LDB2: variants seen among roughly 807,000 people sequenced by gnomAD.
LDB2 encodes the protein LIM domain binding 2.
LDB2 carries 12 observed loss-of-function variants against 44.3 expected under a neutral mutation model. The observed-to-expected ratio is 0.27, with a 90% CI of 0.17 to 0.44. The LOEUF (loss-of-function observed/expected upper bound fraction) is 0.44. Ranked by LOEUF, LDB2 falls within the 20% of genes least tolerant of loss-of-function variation. The pLI, the probability that LDB2 is intolerant of heterozygous loss-of-function variation, is 1.00. For synonymous variants in LDB2, 164 were observed against 174.8 expected, an observed-to-expected ratio of 0.94 and a Z score of 0.49; for missense variants, 344 against 473.5, an observed-to-expected ratio of 0.73 and a Z score of 2.54.
At chr4:16,663,502 T>C (rs1339795414) in intron 2 of LDB2, among the ~76,000 whole-genome samples, 2 of 152,174 alleles carry the variant, frequency 1.3e-5, no homozygotes, top group Non-Finnish European at 2.9e-5. Flanking sequence ...TAGATGTAAA[T>C]GGTTGGTGAC....
chr4:16,800,066 A>G (rs1777492656), intron 1 of LDB2, among the ~76,000 whole-genome samples: 1 of 152,154 alleles, frequency 6.6e-6, no homozygotes, highest in South Asian at 2.1e-4. Context: ...CCGGGACGGG[A>G]AAGCTCAAAC....
chr4:16,826,403 A>C (rs1420485321), intron 1 of LDB2: 1 of 152,240 alleles, frequency 6.6e-6, no homozygotes, highest in Non-Finnish European at 1.5e-5. Context: ...CTGGCCATTT[A>C]AAACAAAAAC....
chr4:16,630,384 T>C (rs1469900499), intron 2 of LDB2, among the ~76,000 whole-genome samples: 3 of 152,150 alleles, frequency 2.0e-5, no homozygotes, highest in Non-Finnish European at 4.4e-5. Context: ...GACAAGCAAA[T>C]GCTGAGAGAT....
intron 2 of LDB2, chr4:16,674,446 T>C: frequency 2.4e-6 from 1 of 412,772 alleles, no homozygotes; most frequent in Non-Finnish European, 4.8e-6. Flanking sequence ...ATTCATTGAG[T>C]GTCCACGTAT....
intron 2 of LDB2, among the ~76,000 whole-genome samples, chr4:16,608,206 C>CAAAAAAAAAAAAAAAAAAAAAAAAAA (rs71649969): frequency 1.5e-5 from 1 of 68,484 alleles, no homozygotes. Flanking sequence ...CACACTTCTT[C>CAAAAAAAAAAAAAAAAAAAAAAAAAA]AAAAAAAAAA....
chr4:16,562,005 T>C (rs931414094), intron 5 of LDB2, among the ~76,000 whole-genome samples: 11 of 152,196 alleles, frequency 7.2e-5, no homozygotes, highest in African/African-American at 2.7e-4. Context: ...CTGGGAAAAC[T>C]GGCTAGCCAT....
intron 2 of LDB2, among the ~76,000 whole-genome samples, chr4:16,644,895 C>T (rs527649252): frequency 1.8e-4 from 28 of 152,266 alleles, no homozygotes; most frequent in African/African-American, 6.0e-4. Flanking sequence ...TTCCCTCTTC[C>T]ACTCTCATCC....
At chr4:16,870,734 G>C (rs1716314028) in intron 1 of LDB2, among the ~76,000 whole-genome samples, 1 of 152,236 alleles carries the variant, frequency 6.6e-6, no homozygotes, top group African/African-American at 2.4e-5. Flanking sequence ...CCCAGTTCAA[G>C]CGATTCTCCT....
chr4:16,547,729 T>C (rs962678381), intron 5 of LDB2, among the ~76,000 whole-genome samples: 1 of 152,188 alleles, frequency 6.6e-6, no homozygotes, highest in East Asian at 1.9e-4. Flanking sequence ...CTCTGAAGCC[T>C]AGATGTTTGG....
intron 1 of LDB2, among the ~76,000 whole-genome samples, chr4:16,866,612 C>T (rs945534376): frequency 5.9e-5 from 9 of 151,956 alleles, no homozygotes; most frequent in Non-Finnish European, 1.0e-4. Context: ...GACTCCAGGC[C>T]GGTGCTTTTC....
intron 2 of LDB2, among the ~76,000 whole-genome samples, chr4:16,734,252 G>C (rs749745402): frequency 6.6e-6 from 1 of 152,128 alleles, no homozygotes; most frequent in Non-Finnish European, 1.5e-5. Context: ...TTTGGAGCAA[G>C]GTGTTTGAAA....
intron 5 of LDB2, among the ~76,000 whole-genome samples, chr4:16,547,394 T>C (rs1226499359): frequency 6.6e-6 from 1 of 152,180 alleles, no homozygotes; most frequent in Non-Finnish European, 1.5e-5. Context: ...GGTGTGGTAA[T>C]TTGTTACAGT....
chr4:16,672,541 T>C (rs1037259110), intron 2 of LDB2, among the ~76,000 whole-genome samples: 1 of 152,184 alleles, frequency 6.6e-6, no homozygotes, highest in African/African-American at 2.4e-5. Flanking sequence ...TAAACTATAC[T>C]ACTGGGAAAG....
At chr4:16,758,044 C>T (rs1767047481) in intron 2 of LDB2, among the ~76,000 whole-genome samples, 1 of 152,154 alleles carries the variant, frequency 6.6e-6, no homozygotes, top group African/African-American at 2.4e-5. Flanking sequence ...CTCCGGGCTG[C>T]TCCTCCCGTG....
chr4:16,668,110 G>A (rs1176543036), intron 2 of LDB2, among the ~76,000 whole-genome samples: 1 of 152,074 alleles, frequency 6.6e-6, no homozygotes. Flanking sequence ...CATTTCATAT[G>A]ATAAAAGGAT....
chr4:16,528,726 T>C (rs1419097883), intron 5 of LDB2, among the ~76,000 whole-genome samples: 1 of 152,086 alleles, frequency 6.6e-6, no homozygotes, highest in Non-Finnish European at 1.5e-5. Context: ...CAGAAGATGT[T>C]AAGAGGAAAA....
intron 5 of LDB2, among the ~76,000 whole-genome samples, chr4:16,556,704 G>A (rs1739736823): frequency 6.6e-6 from 1 of 152,186 alleles, no homozygotes; most frequent in African/African-American, 2.4e-5. Context: ...GCCGTTAAAA[G>A]TTGAACTGAC....
rs925751114 is a variant in LDB2, at chr4:16,542,110, G to GT, written c.616-30007_616-30006insA. On this transcript the variant is annotated intron_variant, in intron 5 of 7. Transcript: ENST00000304523. ...CAATTACATCAGGTGGTGGGGGGGG[G>GT]GGCGCGAGCAGGAGGGCATAAGAAG... Among the ~76,000 whole-genome samples the GT allele has an allele frequency of 9.0e-4, 129 of 144,096 alleles. 11 individuals are homozygous for GT. The highest frequency in any genetic ancestry group is 2.8e-3 in the South Asian group (12 of 4,214). 94.5% of individuals were successfully genotyped at this position (144,096 alleles called of 152,430 possible). A position where few individuals can be genotyped will look rare whatever the true frequency, so the allele number is the denominator to read the frequency against.
At chr4:16,871,190 T>C (rs1410278040) in intron 1 of LDB2, among the ~76,000 whole-genome samples, 2 of 152,232 alleles carry the variant, frequency 1.3e-5, no homozygotes, top group East Asian at 3.8e-4. Context: ...CTTGGGGTTA[T>C]TTATGTCTGT....
Sources: gnomAD v4.1 joint callset for allele counts (sites outside exome capture counted in the v4.1 genomes callset) on GRCh38, gnomAD v4.1.1 for gene constraint, MANE v1.5 for transcripts, NCBI Gene and HGNC (gene_info 2026-07-23, HGNC 2026-07-21) for gene names.